Variants in FGF12 observed in about 807,000 individuals in gnomAD.
FGF12 encodes the protein fibroblast growth factor 12.
In FGF12, 14 loss-of-function variants were observed where a neutral mutation model predicts 23.6. The observed-to-expected ratio is 0.59, with a 90% confidence interval of 0.39 to 0.93. The LOEUF (loss-of-function observed/expected upper bound fraction) is 0.93, where lower values mean the gene tolerates loss of function less well. FGF12 is among the 40% of genes least tolerant of loss of function. The pLI, the probability that FGF12 is intolerant of heterozygous loss-of-function variation, is 0.00. For missense variants in FGF12, 175 were observed against 217.8 expected (o/e 0.80, Z 1.24); for synonymous variants, 62 against 77.3 (o/e 0.80, Z 1.04).
At position 192,591,297 on chromosome 3, in the gene FGF12, A is replaced by G. The variant is rs576719340; in HGVS notation, c.13+135884T>C. Among the ~76,000 whole-genome samples, 9 of 151,360 alleles carry G rather than the reference A, an allele frequency of 5.9e-5. No individual in the cohort carries two copies. The East Asian group carries it at 1.8e-3, about 29-fold the overall frequency. On this transcript the variant is annotated intron_variant, in intron 2 of 5. Coordinates refer to ENST00000445105, the MANE Select transcript of FGF12 (RefSeq NM_004113.6). ...TGATGACCAGTTGGAGCACTCTTAC[A>G]TACATTTTTTAAAAATAGAGACTCA...
intron 2 of FGF12, among the ~76,000 whole-genome samples, chr3:192,379,642 G>A (rs141947036): frequency 2.6e-5 from 4 of 152,294 alleles, no homozygotes; most frequent in Admixed American, 6.5e-5. Context: ...CAATGCATTC[G>A]CACACAAATA....
chr3:192,249,058 A>G (rs896672940), intron 4 of FGF12, among the ~76,000 whole-genome samples: 1 of 152,162 alleles, frequency 6.6e-6, no homozygotes, highest in East Asian at 1.9e-4. Flanking sequence ...TGCTTCAATA[A>G]TTACATAATG....
intron 2 of FGF12, among the ~76,000 whole-genome samples, chr3:192,612,029 G>A (rs747304085): frequency 1.3e-5 from 2 of 151,954 alleles, no homozygotes; most frequent in Non-Finnish European, 2.9e-5. Context: ...GGCCTGCAGA[G>A]GCTCTGGGAT....
chr3:192,158,655 C>CCCTTCCCTCCCCCTTCCTTCTTTCCTT (rs1553844332), intron 5 of FGF12, among the ~76,000 whole-genome samples: 916 of 27,078 alleles, frequency 0.034, 64 homozygotes, highest in South Asian at 0.056. Flanking sequence ...CTCCCTCCCT[C>CCCTTCCCTCCCCCTTCCTTCTTTCCTT]CCTTCCTTCC....
intron 4 of FGF12, among the ~76,000 whole-genome samples, chr3:192,210,328 T>C (rs1226446717): frequency 2.0e-5 from 3 of 152,082 alleles, no homozygotes; most frequent in African/African-American, 7.2e-5. Flanking sequence ...AGACGAATAC[T>C]GACCTGCATA....
At chr3:192,701,432 A>C (rs73887678) in intron 2 of FGF12, among the ~76,000 whole-genome samples, 2,515 of 152,280 alleles carry the variant, frequency 0.017, 66 homozygotes, top group African/African-American at 0.057. Context: ...GAATAAATTT[A>C]ATCAAATATT....
At chr3:192,491,284 G>T (rs1195183099) in intron 2 of FGF12, among the ~76,000 whole-genome samples, 1 of 152,058 alleles carries the variant, frequency 6.6e-6, no homozygotes, top group Non-Finnish European at 1.5e-5. Context: ...TGATGGCAAG[G>T]ATCTCATCTG....
intron 2 of FGF12, among the ~76,000 whole-genome samples, chr3:192,406,636 T>C (rs1720968631): frequency 6.6e-6 from 1 of 152,220 alleles, no homozygotes; most frequent in Non-Finnish European, 1.5e-5. Flanking sequence ...CTTGGGATCA[T>C]AATTATTTTT....
At chr3:192,595,430 A>C (rs1279772802) in intron 2 of FGF12, among the ~76,000 whole-genome samples, 2 of 152,048 alleles carry the variant, frequency 1.3e-5, no homozygotes, top group Admixed American at 6.5e-5. Flanking sequence ...TCCCTCATTC[A>C]TGTGTCCTTC....
chr3:192,632,888 G>C (rs890984232), intron 2 of FGF12, among the ~76,000 whole-genome samples: 2 of 152,014 alleles, frequency 1.3e-5, no homozygotes, highest in African/African-American at 4.8e-5. Context: ...GAAGCTCTGG[G>C]GGGGAATCTA....
In FGF12 at chr3:192,427,388, A is replaced by G. The variant is rs1005462829; in HGVS notation, c.14-66850T>C. Among the ~76,000 whole-genome samples the G allele has an allele frequency of 3.5e-4, 53 of 152,250 alleles. No individual in the cohort carries two copies. In the South Asian group the frequency reaches 0.01, roughly 29 times the overall value. ...AGCAGGACTCCGTCTCTGAAAAAAA[A>G]AAAAAAAGAGTAGAAGTAGAAGAGT... On this transcript the variant is annotated intron_variant, in intron 2 of 5. Transcript: ENST00000445105.
rs747082641 is a variant in FGF12 at position 192,592,534 on chromosome 3, T to C, written c.13+134647A>G. On this transcript the variant is annotated intron_variant, in intron 2 of 5. Coordinates refer to ENST00000445105, the MANE Select transcript of FGF12 (RefSeq NM_004113.6). ...ATGGGAAACTTTTAGTTGTTCACCA[T>C]GCGGGATGCATAGGAATTTGAGAAG... Among the ~76,000 whole-genome samples, 13 of 151,840 alleles carry C rather than the reference T, an allele frequency of 8.6e-5. 2 individuals carry two copies. The highest frequency in any genetic ancestry group is 4.3e-4 in the South Asian group (2 of 4,704).
chr3:192,302,898 C>T lies in FGF12; in HGVS notation c.228+32463G>A, dbSNP rs572759868. 2.6e-5 allele frequency among the ~76,000 whole-genome samples: 4 copies of T among 152,266 alleles called. No homozygotes were observed. In the South Asian group the frequency reaches 8.3e-4, roughly 32 times the overall value. On this transcript the variant is annotated intron_variant, in intron 4 of 5. Coordinates refer to ENST00000445105, the MANE Select transcript of FGF12 (RefSeq NM_004113.6). ...AAGAAGGGAAAGAATGAACATAATGCTTTTCCTTCCCCAGCATCTATTTCA... is the reference window on the plus strand; with the variant it reads ...AAGAAGGGAAAGAATGAACATAATGTTTTTCCTTCCCCAGCATCTATTTCA...
chr3:192,385,078 G>A (rs114395783), intron 2 of FGF12, among the ~76,000 whole-genome samples: 3,290 of 152,240 alleles, frequency 0.022, 120 homozygotes, highest in African/African-American at 0.075. Context: ...ACATAGACTC[G>A]GTTATGAAAT....
chr3:192,442,527 C>G (rs1414817243), intron 2 of FGF12, among the ~76,000 whole-genome samples: 2 of 152,180 alleles, frequency 1.3e-5, no homozygotes, highest in African/African-American at 4.8e-5. Flanking sequence ...GATGCCCAAA[C>G]AAGTTACAGA....
At position 192,274,977 on chromosome 3, in the gene FGF12, A is replaced by G. The variant is rs544649324; in HGVS notation, c.228+60384T>C. Among the ~76,000 whole-genome samples the G allele has an allele frequency of 9.2e-5, 14 of 152,346 alleles. 1 individual carries two copies. Among genetic ancestry groups the G allele is most frequent in the South Asian group, 8.3e-4 (4 of 4,832 alleles). On this transcript the variant is annotated intron_variant, in intron 4 of 5. Transcript: ENST00000445105. ...AAAGGGAAAAAAAATACATCCTAAC[A>G]AAGTGAAAACAGATCTTTCAAATAA... is the stretch of plus-strand genomic sequence containing the variant.
chr3:192,245,409 T>C (rs1218984956), intron 4 of FGF12, among the ~76,000 whole-genome samples: 1 of 152,162 alleles, frequency 6.6e-6, no homozygotes, highest in Non-Finnish European at 1.5e-5. Flanking sequence ...TGAGCCCCCA[T>C]GCCCGGCCAA....
intron 4 of FGF12, among the ~76,000 whole-genome samples, chr3:192,283,319 G>A (rs563751667): frequency 1.4e-4 from 22 of 152,100 alleles, no homozygotes; most frequent in African/African-American, 4.3e-4. Context: ...CTCTGGGTAG[G>A]ACATTGTGAT....
intron 2 of FGF12, among the ~76,000 whole-genome samples, chr3:192,633,096 A>C (rs1715448464): frequency 6.6e-6 from 1 of 152,038 alleles, no homozygotes; most frequent in African/African-American, 2.4e-5. Flanking sequence ...CCCAGGCTGG[A>C]GTGCAGAGGC....
Sources: gnomAD v4.1 joint callset for allele counts (sites outside exome capture counted in the v4.1 genomes callset) on GRCh38, gnomAD v4.1.1 for gene constraint, MANE v1.5 for transcripts, NCBI Gene and HGNC (gene_info 2026-07-23, HGNC 2026-07-21) for gene names.